STAB2: variants seen among roughly 807,000 people sequenced by gnomAD.
The protein encoded by STAB2 is stabilin 2, also known as stabilin-2.
Under a neutral mutation model 338.1 loss-of-function variants are expected in STAB2, and 288 were observed. The ratio of observed to expected loss-of-function variants is 0.85; its 90% CI spans 0.77 to 0.94. The LOEUF (loss-of-function observed/expected upper bound fraction) is 0.94, where lower values mean the gene tolerates loss of function less well. STAB2 is among the 40% of genes least tolerant of loss of function. The probability of loss-of-function intolerance (pLI) is 0.00; values close to 1 mark genes in which losing one functional copy is unlikely to be tolerated. For missense variants in STAB2, 3,141 were observed against 3,210.1 expected (o/e 0.98, Z 0.52); for synonymous variants, 1,202 against 1,193.3 (o/e 1.01, Z -0.15).
At chr12:103,729,096 G>A (rs1881437944) in intron 48 of STAB2, 101 bp downstream of exon 48, 2 of 1,189,328 alleles carry the variant, frequency 1.7e-6, no homozygotes. Context: ...ACTAATGCAG[G>A]AACAGAAAAC....
chr12:103,680,346 G>A (rs1876786742), intron 25 of STAB2, among the ~76,000 whole-genome samples: 1 of 152,122 alleles, frequency 6.6e-6, no homozygotes, highest in Non-Finnish European at 1.5e-5. Context: ...AAAAAGAAAA[G>A]AGAATGTTTT....
chr12:103,627,866 A>G (rs1429025554), intron 5 of STAB2, among the ~76,000 whole-genome samples: 1 of 152,216 alleles, frequency 6.6e-6, no homozygotes, highest in African/African-American at 2.4e-5. Context: ...TCATCACTGT[A>G]TCTCCTAGAG....
At chr12:103,620,180 C>A (rs556534875) in intron 3 of STAB2, among the ~76,000 whole-genome samples, 1 of 152,202 alleles carries the variant, frequency 6.6e-6, no homozygotes, top group African/African-American at 2.4e-5. Flanking sequence ...ATAGCAACCA[C>A]CCCTGAAGGT....
chr12:103,685,156 A>G (rs1593232622), intron 27 of STAB2, 72 bp downstream of exon 27: 1 of 1,379,714 alleles, frequency 7.2e-7, no homozygotes, highest in South Asian at 1.2e-5. Flanking sequence ...GATGCCTTTA[A>G]AGTGATCTAT....
chr12:103,612,789 GCT>G (rs541902344), intron 3 of STAB2, among the ~76,000 whole-genome samples: 13 of 152,052 alleles, frequency 8.5e-5, no homozygotes, highest in Non-Finnish European at 1.8e-4. Context: ...CAGTTTTTCT[GCT>G]CTGTTTTTTT....
intron 3 of STAB2, among the ~76,000 whole-genome samples, chr12:103,607,674 A>T (rs1957053076): frequency 6.6e-6 from 1 of 152,022 alleles, no homozygotes; most frequent in African/African-American, 2.4e-5. Flanking sequence ...GCTGAGAGTG[A>T]TGGTTTCCAG....
In STAB2 at chr12:103,703,246, A is replaced by T. The variant is rs745419113; in HGVS notation, c.3813A>T (p.Arg1271Ser). Residue 1271 changes from arginine to serine, a missense_variant, in exon 35 of 69, where the codon AGA becomes AGT. Coordinates refer to ENST00000388887, the MANE Select transcript of STAB2 (RefSeq NM_017564.10). ...AAGTTCTGGAAATTCAGAAGAACAGATGTGATAATAATGACACTACTATTA... is the reference window on the plus strand; with the variant it reads ...AAGTTCTGGAAATTCAGAAGAACAGTTGTGATAATAATGACACTACTATTA... ...LGKVLEIQKN[R>S]CDNNDTTIIR... The T allele has an allele frequency of 4.3e-6, 7 of 1,613,660 alleles. No individual in the cohort carries two copies. In the Admixed American group the frequency reaches 1.0e-4, roughly 23 times the overall value.
intron 3 of STAB2, among the ~76,000 whole-genome samples, chr12:103,596,618 A>C (rs1390770858): frequency 1.3e-5 from 2 of 152,236 alleles, no homozygotes; most frequent in African/African-American, 4.8e-5. Flanking sequence ...ACTCAAAGTC[A>C]AAATAGACCT....
chr12:103,674,970 A>G (rs1314808241), intron 23 of STAB2, among the ~76,000 whole-genome samples: 3 of 152,208 alleles, frequency 2.0e-5, no homozygotes, highest in African/African-American at 7.2e-5. Context: ...ATTACCGCTG[A>G]AACCTATGAA....
rs144191344 is a variant in STAB2 at position 103,720,664 on chromosome 12, G to T, written c.4683+2823G>T. Among the ~76,000 whole-genome samples, 266 of 152,272 alleles carry T rather than the reference G, an allele frequency of 1.7e-3. 1 individual carries two copies. The highest frequency in any genetic ancestry group is 5.9e-3 in the African/African-American group (247 of 41,560). On this transcript the variant is annotated intron_variant, in intron 44 of 68. Transcript: ENST00000388887. ...TTTCTGCTCAAGTCCTACCAACAAGGACTGTGAAACATTGCCTTTCCTGAG... is the reference window on the plus strand; with the variant it reads ...TTTCTGCTCAAGTCCTACCAACAAGTACTGTGAAACATTGCCTTTCCTGAG...
chr12:103,652,730 C>T (rs775052123), intron 12 of STAB2, 25 bp downstream of exon 12: 9 of 1,538,804 alleles, frequency 5.8e-6, no homozygotes, highest in Non-Finnish European at 7.9e-6. Flanking sequence ...GATTTTCACT[C>T]CCAGAACTAA....
chr12:103,678,475 C>A (rs1037922883), intron 25 of STAB2, among the ~76,000 whole-genome samples: 21 of 152,180 alleles, frequency 1.4e-4, no homozygotes, highest in African/African-American at 5.1e-4. Context: ...TAAAGCCCAC[C>A]TCCTACCTTC....
Position 103,602,269 on chromosome 12 carries a change from A to T in STAB2, c.331+7759A>T, listed in dbSNP as rs1447366982. Among the ~76,000 whole-genome samples the T allele has an allele frequency of 2.0e-5, 3 of 152,174 alleles. No homozygotes were observed. The East Asian group carries it at 5.8e-4, about 29-fold the overall frequency. ...TTTCCCTTGGCATAATGAATCCGAG[A>T]TGCATCCATGTCATTACCTGTATCA... On this transcript the variant is annotated intron_variant, in intron 3 of 68. Transcript: ENST00000388887.
At chr12:103,698,163 A>T (rs998935201) in intron 33 of STAB2, among the ~76,000 whole-genome samples, 4 of 152,132 alleles carry the variant, frequency 2.6e-5, no homozygotes, top group African/African-American at 9.7e-5. Flanking sequence ...AGAGCTTCTC[A>T]TTGGCAGACC....
intron 10 of STAB2, 63 bp downstream of exon 10, chr12:103,648,886 G>A (rs944179845): frequency 3.8e-6 from 6 of 1,579,800 alleles, no homozygotes; most frequent in Non-Finnish European, 4.3e-6. Context: ...GCATCTGCAA[G>A]ATACAATGAT....
chr12:103,721,182 C>T (rs900570394), intron 44 of STAB2, among the ~76,000 whole-genome samples: 3 of 152,150 alleles, frequency 2.0e-5, no homozygotes, highest in Non-Finnish European at 4.4e-5. Flanking sequence ...GAGCAGGAGG[C>T]AAACATGTTG....
intron 3 of STAB2, among the ~76,000 whole-genome samples, chr12:103,597,478 C>G (rs1352798295): frequency 1.3e-5 from 2 of 152,106 alleles, no homozygotes; most frequent in African/African-American, 2.4e-5. Flanking sequence ...ATGGTCAACG[C>G]TGAAAACTTG....
chr12:103,759,343 T>C, intron 65 of STAB2, 70 bp downstream of exon 65: 1 of 1,568,932 alleles, frequency 6.4e-7, no homozygotes, highest in Admixed American at 2.0e-5. Context: ...ATACAGTAGG[T>C]GCTTAATAGA....
intron 39 of STAB2, among the ~76,000 whole-genome samples, chr12:103,709,243 A>G (rs1474339033): frequency 6.6e-6 from 1 of 152,186 alleles, no homozygotes; most frequent in Non-Finnish European, 1.5e-5. Context: ...CCACAACGAC[A>G]TGGGAAAGCT....
Sources: gnomAD v4.1 joint callset for allele counts (sites outside exome capture counted in the v4.1 genomes callset) on GRCh38, gnomAD v4.1.1 for gene constraint, MANE v1.5 for transcripts, NCBI Gene and HGNC (gene_info 2026-07-23, HGNC 2026-07-21) for gene names.